Variants in CPA6 observed in about 807,000 individuals in gnomAD.
The protein encoded by CPA6 is carboxypeptidase A6.
Under a neutral mutation model 63.3 loss-of-function variants are expected in CPA6, and 58 were observed. The ratio of observed to expected loss-of-function variants is 0.92; its 90% confidence interval spans 0.74 to 1.14. CPA6 has a LOEUF of 1.14. Ranked by LOEUF, CPA6 falls within the 50% of genes most tolerant of loss-of-function variation. The pLI is 0.00. For synonymous variants in CPA6, 185 were observed against 179.0 expected (o/e 1.03, Z -0.27); for missense variants, 565 against 526.6 (o/e 1.07, Z -0.71).
intron 1 of CPA6, among the ~76,000 whole-genome samples, chr8:67,660,936 T>C (rs903589134): frequency 6.6e-6 from 1 of 152,208 alleles, no homozygotes; most frequent in African/African-American, 2.4e-5. Context: ...CTATATGGCT[T>C]CCATTTACAA....
At chr8:67,612,278 G>T (rs1682076) in intron 2 of CPA6, among the ~76,000 whole-genome samples, 30,592 of 152,062 alleles carry the variant, frequency 0.2, 3,602 homozygotes, top group African/African-American at 0.31. Context: ...CCCAAAGGTT[G>T]CTTCTTCCAT....
At chr8:67,515,248 C>G (rs952019682) in intron 3 of CPA6, among the ~76,000 whole-genome samples, 3 of 151,902 alleles carry the variant, frequency 2.0e-5, no homozygotes, top group Middle Eastern at 3.4e-3. Flanking sequence ...TAAGTCACTC[C>G]CTCCTTCTCT....
chr8:67,673,881 C>A (rs1190396268), intron 1 of CPA6, among the ~76,000 whole-genome samples: 1 of 152,032 alleles, frequency 6.6e-6, no homozygotes, highest in East Asian at 1.9e-4. Context: ...TTCAAGAAGC[C>A]TTTAATACAA....
At chr8:67,451,107 C>A (rs892850059) in intron 8 of CPA6, among the ~76,000 whole-genome samples, 5 of 152,296 alleles carry the variant, frequency 3.3e-5, no homozygotes, top group Admixed American at 3.3e-4. Flanking sequence ...GTGGAGCTGA[C>A]CCTGCTCAGG....
At chr8:67,684,007 A>G (rs1357407516) in intron 1 of CPA6, among the ~76,000 whole-genome samples, 14 of 112,606 alleles carry the variant, frequency 1.2e-4, no homozygotes, top group African/African-American at 7.4e-4. Flanking sequence ...AAATGTATAT[A>G]TATATATATA....
intron 1 of CPA6, among the ~76,000 whole-genome samples, chr8:67,665,413 C>CAGT (rs1191521340): frequency 1.3e-5 from 2 of 152,160 alleles, no homozygotes; most frequent in Non-Finnish European, 2.9e-5. Flanking sequence ...GAAAATGGCA[C>CAGT]AGTAGCACAT....
At chr8:67,666,120 G>A (rs1266934551) in intron 1 of CPA6, among the ~76,000 whole-genome samples, 1 of 152,158 alleles carries the variant, frequency 6.6e-6, no homozygotes, top group African/African-American at 2.4e-5. Context: ...TCACTCACCT[G>A]TAAAGAACTG....
In CPA6 at chr8:67,518,009, T is replaced by C. The variant is rs750667927; in HGVS notation, c.231A>G (p.Ser77=). 6.2e-7 allele frequency: 1 copy of C among 1,612,532 alleles called. No individual in the cohort carries two copies. Among genetic ancestry groups the C allele is most frequent in the Non-Finnish European group, 8.5e-7 (1 of 1,179,468 alleles). Reference sequence around the variant, plus strand: ...TATGGACATCAGTAACTGTTCCCTCTGATACATAGGAGATACTGCTGGGCT... The same window carrying C: ...TATGGACATCAGTAACTGTTCCCTCCGATACATAGGAGATACTGCTGGGCT... ...LWQPSSISYV[S]EGTVTDVHIP... is the part of the protein sequence containing the mutation. Residue 77 remains serine (S), a synonymous_variant, in exon 3 of 11, where the codon TCA becomes TCG. Transcript: ENST00000297770.
chr8:67,690,539 G>A (rs570908482), intron 1 of CPA6, among the ~76,000 whole-genome samples: 3 of 152,146 alleles, frequency 2.0e-5, no homozygotes, highest in Admixed American at 2.0e-4. Context: ...CATAAATGCT[G>A]TGTGAAGCAA....
chr8:67,532,069 A>G (rs1407062080), intron 2 of CPA6, among the ~76,000 whole-genome samples: 1 of 152,164 alleles, frequency 6.6e-6, no homozygotes, highest in Non-Finnish European at 1.5e-5. Context: ...GATGAATTGT[A>G]TGTCTAAACC....
chr8:67,495,291 A>G (rs112374345), intron 6 of CPA6, among the ~76,000 whole-genome samples: 7 of 152,180 alleles, frequency 4.6e-5, no homozygotes, highest in African/African-American at 1.7e-4. Context: ...ATCCATTCCT[A>G]AAGACTTTCT....
intron 8 of CPA6, among the ~76,000 whole-genome samples, chr8:67,448,732 C>G (rs1034313741): frequency 6.6e-6 from 1 of 150,622 alleles, no homozygotes; most frequent in Non-Finnish European, 1.5e-5. Context: ...AAAGTTTTCC[C>G]TATCCTTAAA....
chr8:67,648,885 A>G (rs147251907), intron 1 of CPA6, among the ~76,000 whole-genome samples: 22 of 152,204 alleles, frequency 1.4e-4, no homozygotes, highest in African/African-American at 5.1e-4. Flanking sequence ...GGGAAAACAA[A>G]CCAGGCTCTG....
intron 1 of CPA6, among the ~76,000 whole-genome samples, chr8:67,668,058 T>A (rs113671797): frequency 7.2e-5 from 11 of 152,366 alleles, no homozygotes; most frequent in African/African-American, 2.4e-4. Flanking sequence ...CCATATTCAC[T>A]TATTACTAAA....
chr8:67,640,919 C>T (rs1035799880), intron 1 of CPA6, among the ~76,000 whole-genome samples: 1 of 151,712 alleles, frequency 6.6e-6, no homozygotes, highest in Middle Eastern at 3.2e-3. Context: ...TCATGGACTC[C>T]TGGGATGCGG....
At position 67,443,943 on chromosome 8, in the gene CPA6, G is replaced by A. The variant is rs148884079; in HGVS notation, c.839-9703C>T. Among the ~76,000 whole-genome samples the A allele has an allele frequency of 2.5e-3, 382 of 151,810 alleles. 6 individuals are homozygous for A. The highest frequency in any genetic ancestry group is 8.8e-3 in the African/African-American group (363 of 41,392). On this transcript the variant is annotated intron_variant, in intron 8 of 10. Transcript: ENST00000297770. The stretch of plus-strand genomic sequence containing the variant: ...TGAATATGTAAGGCAATGAGGTGGG[G>A]TTTGATAACATCTTACCTCTCTGGC...
intron 2 of CPA6, among the ~76,000 whole-genome samples, chr8:67,592,228 G>A (rs1214669705): frequency 6.6e-6 from 1 of 152,164 alleles, no homozygotes; most frequent in Non-Finnish European, 1.5e-5. Flanking sequence ...TGCATCCCAG[G>A]GATGAAGCCC....
intron 7 of CPA6, 43 bp downstream of exon 7, chr8:67,484,636 T>C (rs370723341): frequency 1.3e-5 from 13 of 1,037,686 alleles, no homozygotes; most frequent in African/African-American, 3.2e-5. Context: ...TTTTCTATGA[T>C]TTATTTAGTC....
chr8:67,716,936 T>C (rs1817395054), intron 1 of CPA6, among the ~76,000 whole-genome samples: 1 of 152,236 alleles, frequency 6.6e-6, no homozygotes, highest in African/African-American at 2.4e-5. Flanking sequence ...CAGCATACCA[T>C]TCCACACATG....
Sources: gnomAD v4.1 joint callset for allele counts (sites outside exome capture counted in the v4.1 genomes callset) on GRCh38, gnomAD v4.1.1 for gene constraint, MANE v1.5 for transcripts, NCBI Gene and HGNC (gene_info 2026-07-23, HGNC 2026-07-21) for gene names.